Variants in KIAA1549L observed in about 807,000 individuals in gnomAD.
KIAA1549L encodes UPF0606 protein KIAA1549L.
Under a neutral mutation model 160.7 loss-of-function variants are expected in KIAA1549L, and 88 were observed. That is an observed-to-expected ratio of 0.55 (90% CI 0.46 to 0.65). KIAA1549L has a LOEUF of 0.65. Among genes scored for constraint, KIAA1549L ranks in the 30% least tolerant of loss-of-function variants. The pLI is 0.00. For missense variants in KIAA1549L, 2,258 were observed against 2,437.5 expected, an observed-to-expected ratio of 0.93 and a Z score of 1.55; for synonymous variants, 950 against 976.7, an observed-to-expected ratio of 0.97 and a Z score of 0.51.
chr11:33,439,282 A>G (rs927354913), intron 1 of KIAA1549L, among the ~76,000 whole-genome samples: 26 of 152,286 alleles, frequency 1.7e-4, no homozygotes, highest in African/African-American at 5.8e-4. Flanking sequence ...ATTGATACAT[A>G]ATATTTTACT....
At chr11:33,642,873 T>C (rs757157516) in intron 16 of KIAA1549L, among the ~76,000 whole-genome samples, 1 of 152,188 alleles carries the variant, frequency 6.6e-6, no homozygotes, top group Non-Finnish European at 1.5e-5. Context: ...GTGGACAGAA[T>C]TTATTTCAGT....
At chr11:33,647,201 G>A (rs1851745777) in intron 17 of KIAA1549L, among the ~76,000 whole-genome samples, 1 of 152,016 alleles carries the variant, frequency 6.6e-6, no homozygotes. Flanking sequence ...TCTGGGCAAC[G>A]TGGTGAAACC....
rs114739054 is a variant in KIAA1549L, at chr11:33,421,828, G to A, written c.238+44939G>A. 3.0e-3 allele frequency among the ~76,000 whole-genome samples: 458 copies of A among 152,216 alleles called. 2 individuals carry two copies. Among genetic ancestry groups the A allele is most frequent in the African/African-American group, 0.01 (423 of 41,520 alleles). ...AGTGGTGCTTCTCAAACACGTGTAG[G>A]CATCACAATTACTGGAGGGTTTGTT... is the stretch of plus-strand genomic sequence containing the variant. On this transcript the variant is annotated intron_variant, in intron 1 of 20. Transcript: ENST00000658780.
chr11:33,488,313 GCTC>G (rs1245172266), intron 1 of KIAA1549L, among the ~76,000 whole-genome samples: 2 of 152,082 alleles, frequency 1.3e-5, no homozygotes, highest in African/African-American at 2.4e-5. Context: ...CTACAAGTGC[GCTC>G]CTCCTCAATT....
At chr11:33,384,527 A>G (rs1226205950) in intron 1 of KIAA1549L, among the ~76,000 whole-genome samples, 2 of 152,226 alleles carry the variant, frequency 1.3e-5, no homozygotes, top group African/African-American at 4.8e-5. Flanking sequence ...TGTTTTTCAA[A>G]GTAGCTGTAC....
chr11:33,631,837 A>G (rs1851298284), intron 16 of KIAA1549L, among the ~76,000 whole-genome samples: 2 of 152,136 alleles, frequency 1.3e-5, no homozygotes, highest in South Asian at 4.1e-4. Context: ...TGTTTTATTT[A>G]TCCTTGAAAC....
At chr11:33,595,073 T>C (rs995107008) in intron 12 of KIAA1549L, among the ~76,000 whole-genome samples, 1 of 152,208 alleles carries the variant, frequency 6.6e-6, no homozygotes, top group Non-Finnish European at 1.5e-5. Flanking sequence ...TTTCTTTAAA[T>C]TTTTTTAGAA....
chr11:33,623,948 C>T lies in KIAA1549L; in HGVS notation c.5409+5286C>T, dbSNP rs142742096. Among the ~76,000 whole-genome samples the T allele has an allele frequency of 5.6e-3, 850 of 152,326 alleles. 9 individuals carry two copies. The highest frequency in any genetic ancestry group is 6.3e-3 in the Non-Finnish European group (428 of 68,032). On this transcript the variant is annotated intron_variant, in intron 16 of 20. Coordinates refer to ENST00000658780, the MANE Select transcript of KIAA1549L (RefSeq NM_012194.3). ...TGTCTGCTCTTATTCTTGGTACCTG[C>T]CTGCCCATGCCCATTTTTTCCCGGA...
Position 33,591,344 on chromosome 11 carries a change from A to G in KIAA1549L, c.4674A>G (p.Arg1558=). 1 of 1,613,738 alleles carries G rather than the reference A, an allele frequency of 6.2e-7. No individual in the cohort carries two copies. Residue 1558 remains arginine, a synonymous_variant, in exon 12 of 21, where the codon AGA becomes AGG. Coordinates refer to ENST00000658780, the MANE Select transcript of KIAA1549L (RefSeq NM_012194.3). ...CAGTGGTTCTCCCACTGCCCATTAG[A>G]GATGCTCCTCAGGAAAGAGACGTCG... ...QETVVLPLPI[R]DAPQERDVAQ... is the part of the protein sequence containing the mutation.
chr11:33,496,776 G>T lies in KIAA1549L; in HGVS notation c.239-45026G>T, dbSNP rs576035707. Among the ~76,000 whole-genome samples the T allele has an allele frequency of 4.9e-4, 74 of 152,208 alleles. No homozygotes were observed. In the South Asian group the frequency reaches 0.013, roughly 28 times the overall value. On this transcript the variant is annotated intron_variant, in intron 1 of 20. Transcript: ENST00000658780. ...AGATTGTGTAGCACTGCCTCTAAAAGCTTTCCATCTCAATAAAATAAAACC... is the reference window on the plus strand; with the variant it reads ...AGATTGTGTAGCACTGCCTCTAAAATCTTTCCATCTCAATAAAATAAAACC...
Position 33,667,984 on chromosome 11 carries a change from G to C in KIAA1549L, c.6271G>C (p.Glu2091Gln), listed in dbSNP as rs1221850287. 6.2e-6 allele frequency: 10 copies of C among 1,613,916 alleles called. No individual in the cohort carries two copies. The highest frequency in any genetic ancestry group is 8.5e-6 in the Non-Finnish European group (10 of 1,179,894). The change falls in exon 21 of 21, where the codon GAG (glutamate) becomes CAG (glutamine). Residue 2091 changes from glutamate to glutamine, a missense_variant. Glu to Gln is a conservative substitution (Grantham distance 29). Coordinates refer to ENST00000658780, the MANE Select transcript of KIAA1549L (RefSeq NM_012194.3). Reference sequence around the variant, plus strand: ...GCCAGCCAACCTGCACCCCAGCCTGGAGCAGGCCCCGGCGCCCTCCACAGC... The same window carrying C: ...GCCAGCCAACCTGCACCCCAGCCTGCAGCAGGCCCCGGCGCCCTCCACAGC... ...SQPANLHPSLEQAPAPSTAAS... is the reference protein window; with the variant it reads ...SQPANLHPSLQQAPAPSTAAS...
At chr11:33,633,764 T>C (rs112678379) in intron 16 of KIAA1549L, among the ~76,000 whole-genome samples, 26 of 152,200 alleles carry the variant, frequency 1.7e-4, no homozygotes, top group Non-Finnish European at 2.1e-4. Context: ...GGTAGTACAG[T>C]GTAGGGGCTG....
chr11:33,455,911 A>C (rs1478627708), intron 1 of KIAA1549L, among the ~76,000 whole-genome samples: 1 of 152,200 alleles, frequency 6.6e-6, no homozygotes. Flanking sequence ...TCTCACATAC[A>C]TGTTCAGCTG....
chr11:33,640,943 TCCCAA>T (rs1851565172), intron 16 of KIAA1549L, among the ~76,000 whole-genome samples: 1 of 152,172 alleles, frequency 6.6e-6, no homozygotes, highest in Admixed American at 6.5e-5. Flanking sequence ...CCAGATACGG[TCCCAA>T]CCCAAGCCAA....
chr11:33,377,076 A>AT (rs1460088337), intron 1 of KIAA1549L, among the ~76,000 whole-genome samples, 187 bp downstream of exon 1: 1 of 152,194 alleles, frequency 6.6e-6, no homozygotes, highest in African/African-American at 2.4e-5. Context: ...AGAAAAAAAA[A>AT]GGAGCAATCG....
chr11:33,513,228 C>T (rs529126075), intron 1 of KIAA1549L, among the ~76,000 whole-genome samples: 1 of 152,270 alleles, frequency 6.6e-6, no homozygotes, highest in East Asian at 1.9e-4. Flanking sequence ...AATATTTTTC[C>T]AGCTAAATAG....
At chr11:33,416,123 G>A (rs1232076570) in intron 1 of KIAA1549L, among the ~76,000 whole-genome samples, 1 of 152,134 alleles carries the variant, frequency 6.6e-6, no homozygotes, top group African/African-American at 2.4e-5. Flanking sequence ...GGACTGTCCT[G>A]AGGCAGGTGA....
At chr11:33,482,533 T>C (rs1004342604) in intron 1 of KIAA1549L, among the ~76,000 whole-genome samples, 2 of 152,022 alleles carry the variant, frequency 1.3e-5, no homozygotes, top group African/African-American at 2.4e-5. Context: ...ATTTAACAAT[T>C]ACGTGTATCT....
chr11:33,502,601 C>T (rs1174521887), intron 1 of KIAA1549L, among the ~76,000 whole-genome samples: 3 of 152,174 alleles, frequency 2.0e-5, no homozygotes, highest in African/African-American at 7.2e-5. Flanking sequence ...AGACTGATAT[C>T]TCCCACTTTA....
Sources: gnomAD v4.1 joint callset for allele counts (sites outside exome capture counted in the v4.1 genomes callset) on GRCh38, gnomAD v4.1.1 for gene constraint, MANE v1.5 for transcripts, NCBI Gene and HGNC (gene_info 2026-07-23, HGNC 2026-07-21) for gene names.